The following B3GALT1 variants were observed in gnomAD, a reference collection of about 807,000 sequenced individuals.
The protein encoded by B3GALT1 is beta-1,3-galactosyltransferase 1, also known as UDP-Gal:betaGlcNAc beta 1,3-galactosyltransferase, polypeptide 1.
Under a neutral mutation model 23.2 loss-of-function variants are expected in B3GALT1, and 10 were observed. The observed-to-expected ratio is 0.43, with a 90% CI of 0.27 to 0.73. The LOEUF (loss-of-function observed/expected upper bound fraction) is 0.73, where lower values mean the gene tolerates loss of function less well. Ranked by LOEUF, B3GALT1 falls within the 30% of genes least tolerant of loss-of-function variation. The pLI is 0.21. For synonymous variants in B3GALT1, 156 were observed against 141.5 expected (o/e 1.10, Z -0.73); for missense variants, 299 against 405.4 (o/e 0.74, Z 2.25).
chr2:167,622,546 A>G (rs1314781808), intron 2 of B3GALT1, among the ~76,000 whole-genome samples: 1 of 152,140 alleles, frequency 6.6e-6, no homozygotes, highest in Admixed American at 6.6e-5. Flanking sequence ...AGCATTTAAG[A>G]CATTTTGGGT....
intron 4 of B3GALT1, among the ~76,000 whole-genome samples, chr2:167,837,205 A>G (rs1210973529): frequency 6.6e-6 from 1 of 152,234 alleles, no homozygotes; most frequent in African/African-American, 2.4e-5. Flanking sequence ...AATAGACTAA[A>G]TGCTCCAATT....
chr2:167,459,913 T>G (rs1699230686), intron 1 of B3GALT1, among the ~76,000 whole-genome samples: 1 of 152,184 alleles, frequency 6.6e-6, no homozygotes, highest in Admixed American at 6.5e-5. Flanking sequence ...TTGTTTCATT[T>G]TAGCCCTTTG....
chr2:167,690,884 T>G (rs944138584), intron 3 of B3GALT1, among the ~76,000 whole-genome samples: 27 of 152,112 alleles, frequency 1.8e-4, no homozygotes, highest in African/African-American at 6.5e-4. Flanking sequence ...GAAGAATGCT[T>G]TCTAAGCAGG....
chr2:167,407,565 TAA>T (rs55986241), intron 1 of B3GALT1, among the ~76,000 whole-genome samples: 12 of 149,788 alleles, frequency 8.0e-5, no homozygotes, highest in Admixed American at 1.3e-4. Flanking sequence ...ATTGAAAAGG[TAA>T]AAAAAAAAAT....
intron 3 of B3GALT1, among the ~76,000 whole-genome samples, chr2:167,670,776 A>T (rs1317935332): frequency 6.6e-6 from 1 of 152,166 alleles, no homozygotes; most frequent in Non-Finnish European, 1.5e-5. Context: ...TACAATAGAG[A>T]GCTTTAATAG....
chr2:167,509,099 G>C (rs537735111), intron 2 of B3GALT1, among the ~76,000 whole-genome samples: 1 of 152,066 alleles, frequency 6.6e-6, no homozygotes, highest in African/African-American at 2.4e-5. Flanking sequence ...CAGTCCCTTT[G>C]GAGCAAAAAT....
At chr2:167,755,501 A>G (rs1158112927) in intron 3 of B3GALT1, among the ~76,000 whole-genome samples, 15 of 145,972 alleles carry the variant, frequency 1.0e-4, no homozygotes, top group Non-Finnish European at 1.4e-4. Flanking sequence ...CCCTCCAATC[A>G]ATGAGGGGTG....
At position 167,592,723 on chromosome 2, in the gene B3GALT1, C is replaced by T. The variant is rs77637033; in HGVS notation, c.-409-54186C>T. ...TTAATGGTTTCTATCTTGGCCATTG[C>T]TTCCACCCTGGTTTCTGGCTCTAGA... On this transcript the variant is annotated intron_variant, in intron 2 of 4. Coordinates refer to ENST00000392690, the MANE Select transcript of B3GALT1 (RefSeq NM_020981.4). Among the ~76,000 whole-genome samples the T allele has an allele frequency of 2.1e-3, 316 of 152,236 alleles. 2 individuals carry two copies. The East Asian group carries it at 0.034, about 17-fold the overall frequency.
chr2:167,552,332 A>G (rs1186081475), intron 2 of B3GALT1, among the ~76,000 whole-genome samples: 1 of 152,194 alleles, frequency 6.6e-6, no homozygotes, highest in Non-Finnish European at 1.5e-5. Flanking sequence ...TTAGGCAAAG[A>G]TATTTCATAT....
chr2:167,747,027 A>C (rs904562704), intron 3 of B3GALT1, among the ~76,000 whole-genome samples: 11 of 151,924 alleles, frequency 7.2e-5, no homozygotes, highest in African/African-American at 2.2e-4. Context: ...CCCCTTCCCC[A>C]TATCGTACCT....
At chr2:167,763,475 T>C (rs892114133) in intron 3 of B3GALT1, among the ~76,000 whole-genome samples, 1 of 152,068 alleles carries the variant, frequency 6.6e-6, no homozygotes, top group African/African-American at 2.4e-5. Context: ...AGAAAAATTA[T>C]GGTCCATTCT....
At chr2:167,692,908 T>C (rs1177201977) in intron 3 of B3GALT1, among the ~76,000 whole-genome samples, 1 of 152,112 alleles carries the variant, frequency 6.6e-6, no homozygotes, top group East Asian at 1.9e-4. Context: ...TGGGCTCTTC[T>C]TTCAAGTTCC....
chr2:167,521,445 C>A (rs1005163909), intron 2 of B3GALT1, among the ~76,000 whole-genome samples: 1 of 151,958 alleles, frequency 6.6e-6, no homozygotes, highest in African/African-American at 2.4e-5. Context: ...GCTGTATAAT[C>A]TTCCACTCTA....
At chr2:167,744,726 G>A (rs1441664894) in intron 3 of B3GALT1, among the ~76,000 whole-genome samples, 1 of 151,916 alleles carries the variant, frequency 6.6e-6, no homozygotes, top group Non-Finnish European at 1.5e-5. Flanking sequence ...CAGGTGGCTG[G>A]GATTACAGGC....
At chr2:167,667,308 G>C (rs1248787696) in intron 3 of B3GALT1, among the ~76,000 whole-genome samples, 1 of 152,214 alleles carries the variant, frequency 6.6e-6, no homozygotes, top group Admixed American at 6.5e-5. Context: ...TAGAGTTTCT[G>C]CTGAGAGATC....
At chr2:167,408,798 C>CAAAAA (rs1178640940) in intron 1 of B3GALT1, among the ~76,000 whole-genome samples, 15 of 10,724 alleles carry the variant, frequency 1.4e-3, no homozygotes, top group Middle Eastern at 0.031. Context: ...AAGATGTATA[C>CAAAAA]AAAAAAAAAA....
rs115929622 is a variant in B3GALT1, at chr2:167,847,245, G to A, written c.-229-21566G>A. Among the ~76,000 whole-genome samples, 1,110 of 151,568 alleles carry A rather than the reference G, an allele frequency of 7.3e-3. 6 individuals carry two copies. Among genetic ancestry groups the A allele is most frequent in the Non-Finnish European group, 9.5e-3 (645 of 67,596 alleles). The stretch of plus-strand genomic sequence containing the variant: ...AACAATGGATTTAAACTATACCTTG[G>A]AACAAAAACAACATTTCATCCAACA... On this transcript the variant is annotated intron_variant, in intron 4 of 4. Transcript: ENST00000392690.
At chr2:167,369,227 T>G (rs1467870022) in intron 1 of B3GALT1, among the ~76,000 whole-genome samples, 1 of 152,072 alleles carries the variant, frequency 6.6e-6, no homozygotes, top group Non-Finnish European at 1.5e-5. Context: ...GGCCTCTGTA[T>G]GCTGACATGT....
intron 1 of B3GALT1, among the ~76,000 whole-genome samples, chr2:167,364,736 A>G (rs1393048576): frequency 6.6e-6 from 1 of 152,200 alleles, no homozygotes; most frequent in Non-Finnish European, 1.5e-5. Context: ...ATATATACAC[A>G]TACACCCAGA....
Sources: allele counts gnomAD v4.1 joint callset (sites outside exome capture counted in the v4.1 genomes callset), GRCh38; gene constraint gnomAD v4.1.1; transcripts MANE v1.5; gene names NCBI Gene and HGNC (gene_info 2026-07-23, HGNC 2026-07-21).